MCF2L2: variants seen among roughly 807,000 people sequenced by gnomAD.
MCF2L2 encodes probable guanine nucleotide exchange factor MCF2L2.
A neutral mutation model predicts 150.2 loss-of-function variants in MCF2L2; 102 were observed. The ratio of observed to expected loss-of-function variants is 0.68; its 90% confidence interval spans 0.58 to 0.80. MCF2L2 has a LOEUF of 0.80. Among genes scored for constraint, MCF2L2 ranks in the 30% least tolerant of loss-of-function variants. The pLI, the probability that MCF2L2 is intolerant of heterozygous loss-of-function variation, is 0.00. For synonymous variants in MCF2L2, 465 were observed against 491.3 expected (o/e 0.95, Z 0.71); for missense variants, 1,256 against 1,372.8 (o/e 0.91, Z 1.34).
chr3:183,375,174 C>A (rs1432808048), intron 3 of MCF2L2: 4 of 152,158 alleles, frequency 2.6e-5, no homozygotes, highest in Non-Finnish European at 5.9e-5. Context: ...TCTGCCCATC[C>A]GCACATAGGC....
intron 1 of MCF2L2, among the ~76,000 whole-genome samples, chr3:183,397,114 T>A (rs1714509615): frequency 6.6e-6 from 1 of 152,212 alleles, no homozygotes; most frequent in African/African-American, 2.4e-5. Context: ...AACAGACAAT[T>A]CATAGAATAT....
rs115380653 is a variant in MCF2L2 at position 183,210,221 on chromosome 3, C to T, written c.2497-2398G>A. Among the ~76,000 whole-genome samples, 1,032 of 152,198 alleles carry T rather than the reference C, an allele frequency of 6.8e-3. 13 individuals are homozygous for T. The highest frequency in any genetic ancestry group is 0.023 in the African/African-American group (949 of 41,512). ...TCCAGGAGTTTGAGGCCAGCCTGGG[C>T]AACATAGGGAGATCACCATCCCTAA... On this transcript the variant is annotated intron_variant, in intron 22 of 29. Transcript: ENST00000328913.
At chr3:183,400,028 T>TATC (rs1714656895) in intron 1 of MCF2L2, among the ~76,000 whole-genome samples, 1 of 152,238 alleles carries the variant, frequency 6.6e-6, no homozygotes, top group Non-Finnish European at 1.5e-5. Context: ...TCAGTGCACA[T>TATC]ATATGTATGT....
chr3:183,344,146 C>G (rs1474419967), intron 3 of MCF2L2, among the ~76,000 whole-genome samples: 2 of 151,764 alleles, frequency 1.3e-5, no homozygotes, highest in African/African-American at 4.8e-5. Flanking sequence ...ACCACCCCCC[C>G]CAAAAAAAGT....
At chr3:183,336,523 T>G (rs987307408) in intron 5 of MCF2L2, among the ~76,000 whole-genome samples, 1 of 152,102 alleles carries the variant, frequency 6.6e-6, no homozygotes, top group Admixed American at 6.6e-5. Flanking sequence ...TTTTGATAAA[T>G]GTATATAGAC....
intron 1 of MCF2L2, among the ~76,000 whole-genome samples, chr3:183,404,787 T>TC (rs1714956864): frequency 6.6e-6 from 1 of 151,950 alleles, no homozygotes; most frequent in African/African-American, 2.4e-5. Context: ...CACTTGAACC[T>TC]GGGAGGCGGA....
At chr3:183,399,451 G>A (rs1432993359) in intron 1 of MCF2L2, among the ~76,000 whole-genome samples, 1 of 152,160 alleles carries the variant, frequency 6.6e-6, no homozygotes, top group Non-Finnish European at 1.5e-5. Flanking sequence ...AATAAAAAAG[G>A]TGGGAGCATA....
At chr3:183,312,755 T>G (rs911540336) in intron 7 of MCF2L2, among the ~76,000 whole-genome samples, 7 of 152,206 alleles carry the variant, frequency 4.6e-5, no homozygotes, top group Admixed American at 6.5e-5. Context: ...CTGGACCCTC[T>G]CAAGCTGGTA....
rs565918381 is a variant in MCF2L2, at chr3:183,398,656, T to C, written c.77-8877A>G. 2.0e-5 allele frequency among the ~76,000 whole-genome samples: 3 copies of C among 152,252 alleles called. No homozygotes were observed. In the South Asian group the frequency reaches 6.2e-4, roughly 32 times the overall value. ...GACTCCCCAACAATTACATAAACTA[T>C]GGGTCTTTATTAACGCATATTCCAA... On this transcript the variant is annotated intron_variant, in intron 1 of 29. Transcript: ENST00000328913.
Position 183,179,442 on chromosome 3 carries a change from C to G in MCF2L2, c.3283G>C (p.Gly1095Arg). The change falls in exon 30 of 30, where the codon GGG becomes CGG. Residue 1095 changes from glycine to arginine, a missense_variant. Transcript: ENST00000328913. This position sits in a 1 kb window ranked among gnomAD's most constrained non-coding sequence, Gnocchi z 4.2. ...CTCGCCTGGAAACCAGCCGTCGCCCCCGCAGGAGCCAGCCGGCCCGTGGAC... is the reference window on the plus strand; with the variant it reads ...CTCGCCTGGAAACCAGCCGTCGCCCGCGCAGGAGCCAGCCGGCCCGTGGAC... ...GASTGRLAPA[G>R]ATAGFQARAL... 1 of 1,585,236 alleles carries G rather than the reference C, an allele frequency of 6.3e-7. No individual in the cohort carries two copies. The highest frequency in any genetic ancestry group is 8.6e-7 in the Non-Finnish European group (1 of 1,164,826).
chr3:183,312,468 G>T (rs1729422735), intron 7 of MCF2L2, among the ~76,000 whole-genome samples: 1 of 152,182 alleles, frequency 6.6e-6, no homozygotes, highest in African/African-American at 2.4e-5. Context: ...TACCCATAAA[G>T]AAAGTCCAGA....
intron 3 of MCF2L2, among the ~76,000 whole-genome samples, chr3:183,354,720 ATG>A (rs1286223397): frequency 2.0e-5 from 3 of 152,134 alleles, no homozygotes; most frequent in Admixed American, 6.5e-5. Flanking sequence ...TCTCCCTAAA[ATG>A]TATAAAATCA....
At chr3:183,343,210 A>G (rs931595263) in intron 3 of MCF2L2, among the ~76,000 whole-genome samples, 2 of 152,182 alleles carry the variant, frequency 1.3e-5, no homozygotes, top group Admixed American at 1.3e-4. Flanking sequence ...GAGAACTCTG[A>G]AGACAAAGAA....
At chr3:183,321,498 T>C (rs1165561272) in intron 6 of MCF2L2, among the ~76,000 whole-genome samples, 1 of 151,550 alleles carries the variant, frequency 6.6e-6, no homozygotes, top group Non-Finnish European at 1.5e-5. Context: ...TAACAAACTC[T>C]GAAATATTGC....
At chr3:183,306,970 G>T (rs1729129288) in intron 10 of MCF2L2, among the ~76,000 whole-genome samples, 1 of 152,196 alleles carries the variant, frequency 6.6e-6, no homozygotes, top group Admixed American at 6.5e-5. Context: ...TTTTATAGAA[G>T]ACCTTCTGTA....
chr3:183,341,691 C>T, intron 3 of MCF2L2, 61 bp from the exon 4 acceptor site: 2 of 1,190,474 alleles, frequency 1.7e-6, no homozygotes, highest in Non-Finnish European at 2.5e-6. Flanking sequence ...CATGTGGCTC[C>T]CACAGCAGAA....
chr3:183,406,316 A>C (rs999912761), intron 1 of MCF2L2, among the ~76,000 whole-genome samples: 141 of 152,056 alleles, frequency 9.3e-4, no homozygotes, highest in Admixed American at 7.2e-4. Context: ...ACTGATATTG[A>C]GCATATTTTC....
At position 183,178,520 on chromosome 3, in the gene MCF2L2, A is replaced by G. The variant is rs899334773; in HGVS notation, c.*860T>C. The G allele has an allele frequency of 6.6e-6, 1 of 150,822 alleles. No individual in the cohort carries two copies. Among genetic ancestry groups the G allele is most frequent in the African/African-American group, 2.5e-5 (1 of 40,152 alleles). The allele number at this position is 150,822 out of a possible 1,614,324, so 9.3% of individuals were successfully genotyped here. ...AAATTCCAAGCAAATTAATTTGAAC[A>G]TCTGTAACTCCTAAAACAAAACAAC... On this transcript the variant is annotated 3_prime_UTR_variant, in exon 30 of 30. Transcript: ENST00000328913.
At chr3:183,317,912 C>T (rs1017939090) in intron 7 of MCF2L2, among the ~76,000 whole-genome samples, 156 bp downstream of exon 7, 1 of 152,194 alleles carries the variant, frequency 6.6e-6, no homozygotes, top group African/African-American at 2.4e-5. Flanking sequence ...TTACAAACTG[C>T]CTGTCTGGAA....
Sources: allele counts gnomAD v4.1 joint callset (sites outside exome capture counted in the v4.1 genomes callset), GRCh38; gene constraint gnomAD v4.1.1; non-coding constraint Gnocchi (gnomAD v3.1); transcripts MANE v1.5; gene names NCBI Gene and HGNC (gene_info 2026-07-23, HGNC 2026-07-21).